Variants in ZNF76 observed in about 807,000 individuals in gnomAD.
The protein encoded by ZNF76 is zinc finger protein 76, also known as zinc finger protein 523.
Under a neutral mutation model 66.9 loss-of-function variants are expected in ZNF76, and 66 were observed. That is an observed-to-expected ratio of 0.99 (90% confidence interval 0.81 to 1.21). The LOEUF (loss-of-function observed/expected upper bound fraction) is 1.21, where lower values mean the gene tolerates loss of function less well. Among genes scored for constraint, ZNF76 ranks in the 50% most tolerant of loss-of-function variants. ZNF76 has a pLI of 0.00. For missense variants in ZNF76, 729 were observed against 760.3 expected (o/e 0.96, Z 0.48); for synonymous variants, 275 against 296.1 (o/e 0.93, Z 0.73).
chr6:35,272,863 C>T (rs963104704), intron 1 of ZNF76, among the ~76,000 whole-genome samples: 8 of 151,912 alleles, frequency 5.3e-5, no homozygotes, highest in African/African-American at 1.9e-4. Flanking sequence ...TTTTTTAAGA[C>T]GGTGTCTCGG....
At chr6:35,294,982 T>C in intron 13 of ZNF76, 162 bp from the exon 14 acceptor site, 2 of 613,910 alleles carry the variant, frequency 3.3e-6, no homozygotes, top group Non-Finnish European at 5.8e-6. Context: ...GGACTCTTCA[T>C]CCGTGAACTT....
At chr6:35,273,195 T>C (rs1787388679) in intron 1 of ZNF76, among the ~76,000 whole-genome samples, 1 of 147,508 alleles carries the variant, frequency 6.8e-6, no homozygotes, top group African/African-American at 2.5e-5. Context: ...AAAAAACGAG[T>C]CTCACTCTGT....
intron 5 of ZNF76, among the ~76,000 whole-genome samples, chr6:35,288,548 C>T (rs762305550): frequency 1.3e-5 from 2 of 152,236 alleles, no homozygotes; most frequent in African/African-American, 4.8e-5. Flanking sequence ...CCAGGGCTTC[C>T]TGCACGTTCC....
At chr6:35,290,764 T>G in intron 7 of ZNF76, 48 bp downstream of exon 7, 1 of 1,580,428 alleles carries the variant, frequency 6.3e-7, no homozygotes, top group Non-Finnish European at 8.7e-7. Flanking sequence ...AGGGTTCTCG[T>G]TCTGTTTGGG....
rs1429440187 is a variant in ZNF76, at chr6:35,290,265, G to C, written c.433-1G>C. On this transcript the variant is annotated splice_acceptor_variant, in intron 5 of 13. Coordinates refer to ENST00000373953, the MANE Select transcript of ZNF76 (RefSeq NM_003427.5). LOFTEE classifies it high-confidence loss of function. ...TAGGGATCTCAAGACTTTTCCCCCA[G>C]GTTCTTCATGACAGCCAGATTCCCC... The C allele has an allele frequency of 1.9e-6, 3 of 1,614,164 alleles. No homozygotes were observed. Among genetic ancestry groups the C allele is most frequent in the Non-Finnish European group, 2.5e-6 (3 of 1,180,024 alleles).
At chr6:35,291,784 C>G in intron 9 of ZNF76, 47 bp downstream of exon 9, 8 of 1,592,382 alleles carry the variant, frequency 5.0e-6, no homozygotes, top group East Asian at 2.2e-5. Context: ...GGCCCCAACC[C>G]CTCTACTGTA....
intron 9 of ZNF76, 38 bp downstream of exon 9, chr6:35,291,775 G>T (rs1270184632): frequency 6.3e-7 from 1 of 1,598,082 alleles, no homozygotes; most frequent in South Asian, 1.1e-5. Context: ...CCTCACTCAG[G>T]CCCCAACCCC....
At chr6:35,291,507 C>T (rs1352985616) in intron 8 of ZNF76, 51 bp from the exon 9 acceptor site, 2 of 1,606,630 alleles carry the variant, frequency 1.2e-6, no homozygotes, top group South Asian at 1.1e-5. Flanking sequence ...CAGCTTGCTC[C>T]AGCATGGCCC....
In ZNF76 at chr6:35,290,325, A is replaced by T; in HGVS notation, c.492A>T (p.Ala164=). ...AAGGGCAGCAAGTTGGAGACAGAGC[A>T]TTCCGCTGTGGCTACAAGGGCTGTG... is the stretch of plus-strand genomic sequence containing the variant. ...NGKGQQVGDR[A]FRCGYKGCGR... The change falls in exon 6 of 14, where the codon GCA becomes GCT. Residue 164 remains alanine, a synonymous_variant. Coordinates refer to ENST00000373953, the MANE Select transcript of ZNF76 (RefSeq NM_003427.5). 1 of 1,614,226 alleles carries T rather than the reference A, an allele frequency of 6.2e-7. No individual in the cohort carries two copies. The highest frequency in any genetic ancestry group is 8.5e-7 in the Non-Finnish European group (1 of 1,180,030).
chr6:35,269,736 C>T (rs1007174383), intron 1 of ZNF76, among the ~76,000 whole-genome samples: 6 of 152,180 alleles, frequency 3.9e-5, no homozygotes, highest in Non-Finnish European at 7.3e-5. Flanking sequence ...AAATACTGTC[C>T]TGTGGCCACA....
chr6:35,282,632 T>A (rs1263118742), intron 2 of ZNF76, among the ~76,000 whole-genome samples: 1 of 152,188 alleles, frequency 6.6e-6, no homozygotes, highest in Non-Finnish European at 1.5e-5. Flanking sequence ...TCATTTGGCG[T>A]TTTCTGGACT....
At position 35,291,647 on chromosome 6, in the gene ZNF76, G is replaced by C; in HGVS notation, c.841G>C (p.Gly281Arg). ...CAAGGTACATGTGCGCACCCACACA[G>C]GCGAGAGGCCCTACACCTGCCCGGA... The part of the protein sequence containing the change: ...IRKVHVRTHT[G>R]ERPYTCPEPH... Residue 281 changes from glycine (G) to arginine (R), a missense_variant, in exon 9 of 14, where the codon GGC becomes CGC. By Grantham distance (125) the Gly-to-Arg change is moderately radical. Coordinates refer to ENST00000373953, the MANE Select transcript of ZNF76 (RefSeq NM_003427.5). 1.2e-6 allele frequency: 2 copies of C among 1,614,016 alleles called. No homozygotes were observed. Among genetic ancestry groups the C allele is most frequent in the Non-Finnish European group, 1.7e-6 (2 of 1,179,962 alleles).
rs141820955 is a variant in ZNF76, at chr6:35,291,301, C to A, written c.649C>A (p.Arg217Ser). The change falls in exon 8 of 14, where the codon CGT becomes AGT. Residue 217 changes from arginine to serine, a missense_variant. Coordinates refer to ENST00000373953, the MANE Select transcript of ZNF76 (RefSeq NM_003427.5). ...AGGCTATGGACTGAAGAGCCACGTT[C>A]GTACCCACACTGGTGAGAAACCATA... is the stretch of plus-strand genomic sequence containing the variant. ...ATGYGLKSHV[R>S]THTGEKPYKC... is the part of the protein sequence containing the mutation. The A allele has an allele frequency of 6.2e-7, 1 of 1,612,658 alleles. No homozygotes were observed. Among genetic ancestry groups the A allele is most frequent in the Admixed American group, 1.7e-5 (1 of 59,790 alleles).
chr6:35,276,876 A>G (rs1353970438), intron 1 of ZNF76, among the ~76,000 whole-genome samples: 1 of 144,004 alleles, frequency 6.9e-6, no homozygotes, highest in South Asian at 2.1e-4. Flanking sequence ...GGCTCACTGC[A>G]ACCTCCGCCT....
intron 5 of ZNF76, among the ~76,000 whole-genome samples, chr6:35,289,320 C>T (rs1168696207): frequency 2.0e-5 from 3 of 152,198 alleles, no homozygotes; most frequent in East Asian, 1.9e-4. Context: ...GGTCAGGCCA[C>T]CTCTGACCCT....
At position 35,286,165 on chromosome 6, in the gene ZNF76, G is replaced by C. The variant is rs1394637776; in HGVS notation, c.111G>C (p.Glu37Asp). ...KLLEGQVIQL[E>D]DGTTAYIHQV... Reference sequence around the variant, plus strand: ...TTGAAGGGCAGGTGATCCAGCTCGAGGATGGGACCACCGCATACATTCACC... The same window carrying C: ...TTGAAGGGCAGGTGATCCAGCTCGACGATGGGACCACCGCATACATTCACC... Residue 37 changes from glutamate (E) to aspartate (D), a missense_variant, in exon 3 of 14, where the codon GAG becomes GAC. Physicochemically the swap from Glu to Asp is conservative, Grantham distance 45 (BLOSUM62 2). Coordinates refer to ENST00000373953, the MANE Select transcript of ZNF76 (RefSeq NM_003427.5). 1 of 1,614,116 alleles carries C rather than the reference G, an allele frequency of 6.2e-7. No individual in the cohort carries two copies. The highest frequency in any genetic ancestry group is 8.5e-7 in the Non-Finnish European group (1 of 1,180,026).
At chr6:35,285,070 C>G (rs2150365315) in intron 2 of ZNF76, among the ~76,000 whole-genome samples, 1 of 152,368 alleles carries the variant, frequency 6.6e-6, no homozygotes, top group South Asian at 2.1e-4. Context: ...CCTTCCCCCT[C>G]TGTCAGACTC....
intron 1 of ZNF76, chr6:35,279,822 ATGTAT>A (rs1788491985): frequency 6.6e-6 from 1 of 152,360 alleles, no homozygotes; most frequent in Non-Finnish European, 1.5e-5. Flanking sequence ...AGCCTTCCAA[ATGTAT>A]TGTATTTATC....
chr6:35,275,089 A>C (rs565482816), intron 1 of ZNF76, among the ~76,000 whole-genome samples: 124 of 151,902 alleles, frequency 8.2e-4, no homozygotes, highest in Middle Eastern at 3.4e-3. Context: ...CAGGAGGCGG[A>C]GGTTGCAGTG....
Sources: gnomAD v4.1 joint callset for allele counts (sites outside exome capture counted in the v4.1 genomes callset) on GRCh38, gnomAD v4.1.1 for gene constraint, MANE v1.5 for transcripts, NCBI Gene and HGNC (gene_info 2026-07-23, HGNC 2026-07-21) for gene names.